POLM: variants seen among roughly 807,000 people sequenced by gnomAD.
POLM encodes the protein DNA polymerase mu, also known as DNA-directed DNA/RNA polymerase mu.
A neutral mutation model predicts 56.7 loss-of-function variants in POLM; 52 were observed. The ratio of observed to expected loss-of-function variants is 0.92; its 90% CI spans 0.73 to 1.15. The LOEUF is 1.15. Ranked by LOEUF, POLM falls within the 50% of genes most tolerant of loss-of-function variation. The pLI, the probability that POLM is intolerant of heterozygous loss-of-function variation, is 0.00. For synonymous variants in POLM, 273 were observed against 274.3 expected, an observed-to-expected ratio of 1.00 and a Z score of 0.05; for missense variants, 660 against 663.6, an observed-to-expected ratio of 0.99 and a Z score of 0.06.
In POLM at chr7:44,072,617, G is replaced by C. The variant is rs2096171599; in HGVS notation, c.*674C>G. On this transcript the variant is annotated 3_prime_UTR_variant, in exon 11 of 11. Coordinates refer to ENST00000242248, the MANE Select transcript of POLM (RefSeq NM_013284.4). ...GGAACCATTAAAGGGCTCTGCGACG[G>C]GAGTGGCAGGATATGACCTATTTTT... 1 of 153,734 alleles carries C rather than the reference G, an allele frequency of 6.5e-6. No individual in the cohort carries two copies. Among genetic ancestry groups the C allele is most frequent in the Admixed American group, 6.5e-5 (1 of 15,374 alleles). The allele number at this position is 153,734 out of a possible 1,614,324, so 9.5% of individuals were successfully genotyped here. A position where few individuals can be genotyped will look rare whatever the true frequency, so the allele number is the denominator to read the frequency against.
chr7:44,074,515 T>G lies in POLM; in HGVS notation c.851A>C (p.Gln284Pro). The G allele has an allele frequency of 6.3e-7, 1 of 1,586,138 alleles. No individual in the cohort carries two copies. The highest frequency in any genetic ancestry group is 8.6e-7 in the Non-Finnish European group (1 of 1,164,694). ...CCGCAGGACTGGGGTGCTCAGGTCC[T>G]GGTGGTGCTGGAGCCCTGGGGGCAA... Reference protein sequence around the residue: ...QQQKAGLQHHQDLSTPVLRSD... With the variant: ...QQQKAGLQHHPDLSTPVLRSD... The change falls in exon 7 of 11, where the codon CAG (glutamine) becomes CCG (proline). Residue 284 changes from glutamine (Q) to proline (P), a missense_variant. By Grantham distance (76) the Gln-to-Pro change is moderately conservative. Transcript: ENST00000242248.
chr7:44,079,612 C>G lies in POLM; in HGVS notation c.601G>C (p.Gly201Arg), dbSNP rs750170584. Residue 201 changes from glycine (G) to arginine (R), a missense_variant, in exon 4 of 11, where the codon GGG becomes CGG. Physicochemically the swap from Gly to Arg is moderately radical, Grantham distance 125 (BLOSUM62 -2). Coordinates refer to ENST00000242248, the MANE Select transcript of POLM (RefSeq NM_013284.4). ...SPVTTLSQLQGLPHFGEHSSR... is the reference protein window; with the variant it reads ...SPVTTLSQLQRLPHFGEHSSR... ...GAGTGTTCTCCAAAGTGGGGAAGCC[C>G]CTGCAGCTGGCTCAGGGTTGTGACA... The G allele has an allele frequency of 5.0e-6, 8 of 1,613,790 alleles. No homozygotes were observed. The South Asian group carries it at 8.8e-5, about 18-fold the overall frequency.
At chr7:44,081,166 C>G (rs1187959672) in intron 1 of POLM, among the ~76,000 whole-genome samples, 4 of 152,206 alleles carry the variant, frequency 2.6e-5, no homozygotes, top group Non-Finnish European at 4.4e-5. Flanking sequence ...TGCTCTCTCC[C>G]TCCCTCTTCA....
chr7:44,073,588 G>C (rs767805972), intron 10 of POLM, 37 bp downstream of exon 10: 1 of 1,610,778 alleles, frequency 6.2e-7, no homozygotes, highest in African/African-American at 1.3e-5. Flanking sequence ...AGCGGACTAT[G>C]GGTGCTGTTT....
In POLM at chr7:44,074,171, G is replaced by A. The variant is rs1396168979; in HGVS notation, c.1031C>T (p.Ala344Val). 1.6e-5 allele frequency: 25 copies of A among 1,602,662 alleles called. No homozygotes were observed. The highest frequency in any genetic ancestry group is 2.2e-5 in the East Asian group (1 of 44,570). ...GCACATCACTCTAGGCAGCAGCCCC[G>A]CCTCCTGACCCTCCTTGGGGTGGGT... ...LITHPKEGQE[A>V]GLLPRVMCRL... Residue 344 changes from alanine to valine, a missense_variant, in exon 8 of 11, where the codon GCG becomes GTG. By Grantham distance (64) the Ala-to-Val change is moderately conservative. Coordinates refer to ENST00000242248, the MANE Select transcript of POLM (RefSeq NM_013284.4).
At chr7:44,076,216 C>A (rs1359366837) in intron 6 of POLM, 2 of 345,034 alleles carry the variant, frequency 5.8e-6, no homozygotes, top group East Asian at 6.3e-5. Flanking sequence ...AAGCACCACA[C>A]TGGGCAGTGT....
chr7:44,079,765 G>C, intron 3 of POLM, 24 bp from the exon 4 acceptor site: 1 of 1,610,154 alleles, frequency 6.2e-7, no homozygotes, highest in Non-Finnish European at 8.5e-7. Flanking sequence ...CCCTAGGTAA[G>C]GGGCAGGGTG....
At chr7:44,076,250 G>A in intron 6 of POLM, 1 of 413,864 alleles carries the variant, frequency 2.4e-6, no homozygotes. Flanking sequence ...GCTGTCCCTG[G>A]TCACTGGTCA....
Position 44,074,017 on chromosome 7 carries a change from G to A in POLM, c.1080C>T (p.Ile360=). The stretch of plus-strand genomic sequence containing the variant: ...AGCTGTGCTGGTGCTGGTGGTACAG[G>A]ATGAGGCCCTGTGGGGAGAGGCGGG... The part of the protein sequence containing the change: ...VMCRLQDQGL[I]LYHQHQHSCC... Residue 360 remains isoleucine, a synonymous_variant, in exon 9 of 11, where the codon ATC becomes ATT. Transcript: ENST00000242248. 6 of 1,613,880 alleles carry A rather than the reference G, an allele frequency of 3.7e-6. No homozygotes were observed. The highest frequency in any genetic ancestry group is 5.1e-6 in the Non-Finnish European group (6 of 1,180,046).
In POLM at chr7:44,073,112, C is replaced by G. The variant is rs2096172713; in HGVS notation, c.*179G>C. 2 of 1,480,998 alleles carry G rather than the reference C, an allele frequency of 1.4e-6. No individual in the cohort carries two copies. Among genetic ancestry groups the G allele is most frequent in the Admixed American group, 2.3e-5 (1 of 43,972 alleles). The allele number at this position is 1,480,998 out of a possible 1,614,324, so 91.7% of individuals were successfully genotyped here. ...AGGGCTCCCACCTCATCACACCCTG[C>G]AGCACACCAGCAGGGGCTCAACTGA... On this transcript the variant is annotated 3_prime_UTR_variant, in exon 11 of 11. Coordinates refer to ENST00000242248, the MANE Select transcript of POLM (RefSeq NM_013284.4).
chr7:44,080,814 T>TA lies in POLM; in HGVS notation c.290_291insT (p.Ala98SerfsTer73). On this transcript the variant is annotated frameshift_variant, in exon 2 of 11. Transcript: ENST00000242248. LOFTEE classifies it high-confidence loss of function. ...TTAACCAGCTTATGTCCAGCAGAGC[T>TA]GGGGGGGTGCAACCCGGGGGAGCAG... 6.2e-7 allele frequency: 1 copy of TA among 1,613,600 alleles called. No individual in the cohort carries two copies. The highest frequency in any genetic ancestry group is 8.5e-7 in the Non-Finnish European group (1 of 1,179,802).
chr7:44,073,444 G>C, intron 10 of POLM, 67 bp from the exon 11 acceptor site: 1 of 1,590,372 alleles, frequency 6.3e-7, no homozygotes, highest in Non-Finnish European at 8.6e-7. Context: ...CAGGAAGACT[G>C]AGGGTGGGGA....
chr7:44,078,631 C>G (rs1481947511), intron 5 of POLM, 109 bp downstream of exon 5: 3 of 971,714 alleles, frequency 3.1e-6, no homozygotes, highest in Non-Finnish European at 4.9e-6. Context: ...TCTCTGACCC[C>G]TGGGCTGGGT....
chr7:44,072,762 T>G lies in POLM; in HGVS notation c.*529A>C, dbSNP rs1052326601. On this transcript the variant is annotated 3_prime_UTR_variant, in exon 11 of 11. Coordinates refer to ENST00000242248, the MANE Select transcript of POLM (RefSeq NM_013284.4). ...CCTCCCAGCTCCTACCCAGGCCCTC[T>G]CCCTCTCCAGATGCCTACAGCACAC... 1.1e-5 allele frequency: 3 copies of G among 271,306 alleles called. No individual in the cohort carries two copies. The highest frequency in any genetic ancestry group is 6.6e-5 in the African/African-American group (3 of 45,542). The allele number at this position is 271,306 out of a possible 1,614,324, so 16.8% of individuals were successfully genotyped here.
rs372552883 is a variant in POLM at position 44,079,689 on chromosome 7, C to T, written c.524G>A (p.Arg175His). 2.3e-5 allele frequency: 37 copies of T among 1,612,472 alleles called. No homozygotes were observed. The highest frequency in any genetic ancestry group is 6.7e-5 in the Admixed American group (4 of 59,900). The part of the protein sequence containing the change: ...EAAGFEGSEG[R>H]LLTFCRAASV... ...GGCTGCTCTGCAGAAGGTGAGGAGG[C>T]GGCCCTCACTGCCTTCAAAGCCTGC... is the stretch of plus-strand genomic sequence containing the variant. Residue 175 changes from arginine (R) to histidine (H), a missense_variant, in exon 4 of 11, where the codon CGC becomes CAC. Coordinates refer to ENST00000242248, the MANE Select transcript of POLM (RefSeq NM_013284.4).
At position 44,082,450 on chromosome 7, in the gene POLM, C is replaced by G. The variant is rs1044307217; in HGVS notation, c.-12G>C. 2 of 1,388,250 alleles carry G rather than the reference C, an allele frequency of 1.4e-6. No individual in the cohort carries two copies. Among genetic ancestry groups the G allele is most frequent in the African/African-American group, 3.0e-5 (2 of 65,908 alleles). The allele number at this position is 1,388,250 out of a possible 1,614,324, so 86.0% of individuals were successfully genotyped here. A position where few individuals can be genotyped will look rare whatever the true frequency, so the allele number is the denominator to read the frequency against. On this transcript the variant is annotated 5_prime_UTR_variant, in exon 1 of 11. Coordinates refer to ENST00000242248, the MANE Select transcript of POLM (RefSeq NM_013284.4). The stretch of plus-strand genomic sequence containing the variant: ...CGTTTGGGGAGCATTGGGACGACAG[C>G]CTCCAGCAGCGCGGAGCGAACGCAG...
In POLM at chr7:44,073,787, G is replaced by T; in HGVS notation, c.1310C>A (p.Ser437Tyr). The T allele has an allele frequency of 6.2e-7, 1 of 1,614,100 alleles. No homozygotes were observed. The highest frequency in any genetic ancestry group is 1.3e-5 in the African/African-American group (1 of 75,074). The change falls in exon 9 of 11, where the codon TCC becomes TAC. Residue 437 changes from serine to tyrosine, a missense_variant. By Grantham distance (144) the Ser-to-Tyr change is moderately radical. Coordinates refer to ENST00000242248, the MANE Select transcript of POLM (RefSeq NM_013284.4). ...GCCCAGCGGCACACTGCCTACCTTG[G>T]AGCCAGTCCAACCGAGCAGGGCGAA... ...FPFALLGWTG[S>Y]KLFQRELRRF...
chr7:44,080,694 T>C (rs2096197178), intron 2 of POLM, 39 bp downstream of exon 2: 2 of 1,588,124 alleles, frequency 1.3e-6, no homozygotes, highest in African/African-American at 2.7e-5. Context: ...CACTGGGGCT[T>C]TCACTGTAGC....
At chr7:44,075,262 C>T (rs1274528843) in intron 6 of POLM, among the ~76,000 whole-genome samples, 2 of 152,202 alleles carry the variant, frequency 1.3e-5, no homozygotes, top group Non-Finnish European at 2.9e-5. Context: ...GTTGGCCAGG[C>T]TGGTCTTGAA....
Sources: allele counts gnomAD v4.1 joint callset (sites outside exome capture counted in the v4.1 genomes callset), GRCh38; gene constraint gnomAD v4.1.1; transcripts MANE v1.5; gene names NCBI Gene and HGNC (gene_info 2026-07-23, HGNC 2026-07-21).